The following KCTD1 variants were observed in gnomAD, a reference collection of about 807,000 sequenced individuals.
The protein encoded by KCTD1 is potassium channel tetramerization domain containing 1.
In KCTD1, 24 loss-of-function variants were observed where a neutral mutation model predicts 66.0. The ratio of observed to expected loss-of-function variants is 0.36; its 90% CI spans 0.26 to 0.51. KCTD1 has a LOEUF of 0.51. Among genes scored for constraint, KCTD1 ranks in the 20% least tolerant of loss-of-function variants. KCTD1 has a pLI of 0.95. For missense variants in KCTD1, 943 were observed against 1,205.2 expected, an observed-to-expected ratio of 0.78 and a Z score of 3.22; for synonymous variants, 511 against 517.2, an observed-to-expected ratio of 0.99 and a Z score of 0.16.
intron 1 of KCTD1, among the ~76,000 whole-genome samples, chr18:26,625,319 C>T (rs1424715591): frequency 6.6e-6 from 1 of 152,110 alleles, no homozygotes; most frequent in African/African-American, 2.4e-5. Context: ...ACTGTGTCCC[C>T]ACGCCATGTC....
intron 1 of KCTD1, among the ~76,000 whole-genome samples, chr18:26,523,602 A>G (rs1261588891): frequency 1.4e-5 from 2 of 145,488 alleles, no homozygotes; most frequent in African/African-American, 2.6e-5. Flanking sequence ...CTGGGACAAC[A>G]CAGCGAGATC....
intron 1 of KCTD1, among the ~76,000 whole-genome samples, chr18:26,656,531 C>T (rs950120424): frequency 3.9e-5 from 6 of 151,998 alleles, no homozygotes; most frequent in South Asian, 2.1e-4. Flanking sequence ...GAATCTGGAC[C>T]AGCCCGGCCG....
At chr18:26,458,083 G>A (rs544667972) in intron 4 of KCTD1, 1 of 152,484 alleles carries the variant, frequency 6.6e-6, no homozygotes, top group African/African-American at 2.4e-5. Context: ...GCCGTCTCAG[G>A]AACGCTGTGC....
intron 1 of KCTD1, among the ~76,000 whole-genome samples, chr18:26,655,270 T>G (rs147759454): frequency 6.6e-6 from 1 of 152,316 alleles, no homozygotes; most frequent in East Asian, 1.9e-4. Flanking sequence ...TAAAAGCATT[T>G]TGCTCATTTT....
At chr18:26,603,920 C>G (rs1225933813) in intron 1 of KCTD1, among the ~76,000 whole-genome samples, 1 of 152,022 alleles carries the variant, frequency 6.6e-6, no homozygotes, top group Non-Finnish European at 1.5e-5. Flanking sequence ...TCTAATTAAA[C>G]TTAAGAGCTT....
intron 3 of KCTD1, among the ~76,000 whole-genome samples, chr18:26,471,414 C>T (rs572172171): frequency 3.4e-4 from 51 of 152,054 alleles, no homozygotes; most frequent in African/African-American, 1.2e-3. Context: ...GTAAGACTTC[C>T]GAGTAAAACT....
intron 1 of KCTD1, among the ~76,000 whole-genome samples, chr18:26,595,943 G>A (rs1423259783): frequency 6.6e-6 from 1 of 152,212 alleles, no homozygotes; most frequent in East Asian, 1.9e-4. Flanking sequence ...TACTCAGGAA[G>A]CTGAGGAGGT....
At chr18:26,455,965 C>T in intron 4 of KCTD1, 64 bp from the exon 5 acceptor site, 2 of 1,523,434 alleles carry the variant, frequency 1.3e-6, no homozygotes, top group South Asian at 1.2e-5. Context: ...ACATAAACAC[C>T]CCAAAGTTTG....
intron 1 of KCTD1, among the ~76,000 whole-genome samples, chr18:26,622,571 C>T (rs530829088): frequency 5.3e-5 from 8 of 152,132 alleles, no homozygotes; most frequent in Non-Finnish European, 8.8e-5. Context: ...AAAGGGTCAA[C>T]AAATACATAT....
chr18:26,579,047 T>C (rs1986292824), intron 1 of KCTD1, among the ~76,000 whole-genome samples: 2 of 151,870 alleles, frequency 1.3e-5, no homozygotes, highest in South Asian at 4.1e-4. Context: ...CCTGTTTTGT[T>C]TTTTTTTTCA....
intron 1 of KCTD1, among the ~76,000 whole-genome samples, chr18:26,655,392 AAAG>A (rs1988110248): frequency 6.6e-6 from 1 of 152,172 alleles, no homozygotes; most frequent in South Asian, 2.1e-4. Context: ...AACGTTTCTT[AAAG>A]AATATGTTAA....
intron 1 of KCTD1, among the ~76,000 whole-genome samples, chr18:26,639,420 C>T (rs1987790004): frequency 6.6e-6 from 1 of 151,848 alleles, no homozygotes; most frequent in African/African-American, 2.4e-5. Context: ...GGTTATTGAA[C>T]CTTTTTAAGC....
intron 1 of KCTD1, among the ~76,000 whole-genome samples, chr18:26,649,992 C>T (rs2145077612): frequency 6.6e-6 from 1 of 152,304 alleles, no homozygotes; most frequent in South Asian, 2.1e-4. Flanking sequence ...GGGTTCAGAA[C>T]CTAGTGGTGC....
chr18:26,492,463 G>A (rs1035660412), intron 2 of KCTD1, among the ~76,000 whole-genome samples: 66 of 151,950 alleles, frequency 4.3e-4, no homozygotes, highest in African/African-American at 1.5e-3. Flanking sequence ...GTGAAACCCC[G>A]TCTCTATAAA....
chr18:26,599,501 T>C (rs372865406), intron 1 of KCTD1: 10 of 1,601,442 alleles, frequency 6.2e-6, no homozygotes, highest in Non-Finnish European at 8.6e-6. Context: ...TGGATGAGCT[T>C]CAAGGTTAAC....
At chr18:26,504,111 G>C (rs919171965) in intron 1 of KCTD1, among the ~76,000 whole-genome samples, 2 of 152,182 alleles carry the variant, frequency 1.3e-5, no homozygotes, top group Non-Finnish European at 2.9e-5. Context: ...CTGTTGCCCA[G>C]GCTGGAGTGC....
At chr18:26,643,179 T>G (rs73944685), upstream of KCTD1, among the ~76,000 whole-genome samples, 346 of 152,276 alleles carry the variant, frequency 2.3e-3, no homozygotes, top group African/African-American at 7.5e-3. Flanking sequence ...CTTCTTGCTG[T>G]GTGCTCACAC....
chr18:26,472,186 G>A (rs1329463617), intron 3 of KCTD1, among the ~76,000 whole-genome samples: 2 of 152,116 alleles, frequency 1.3e-5, no homozygotes, highest in African/African-American at 4.8e-5. Flanking sequence ...AGTTTAAAGA[G>A]CGAATGAACT....
upstream of KCTD1, among the ~76,000 whole-genome samples, chr18:26,630,633 C>T (rs1482075514): frequency 6.6e-6 from 1 of 152,212 alleles, no homozygotes; most frequent in Non-Finnish European, 1.5e-5. Flanking sequence ...CTGTGCCCAG[C>T]CCACGTCTGC....
Sources: allele counts gnomAD v4.1 joint callset (sites outside exome capture counted in the v4.1 genomes callset), GRCh38; gene constraint gnomAD v4.1.1; transcripts MANE v1.5; gene names NCBI Gene and HGNC (gene_info 2026-07-23, HGNC 2026-07-21).